Variants in RYR2 observed in about 807,000 individuals in gnomAD.
RYR2 encodes cardiac muscle ryanodine receptor-calcium release channel.
A neutral mutation model predicts 601.1 loss-of-function variants in RYR2; 227 were observed. The observed-to-expected ratio is 0.38, with a 90% CI of 0.34 to 0.42. The LOEUF (loss-of-function observed/expected upper bound fraction) is 0.42. Ranked by LOEUF, RYR2 falls within the 10% of genes least tolerant of loss-of-function variation. The probability of loss-of-function intolerance (pLI) is 1.00; values close to 1 mark genes in which losing one functional copy is unlikely to be tolerated. For synonymous variants in RYR2, 2,223 were observed against 2,175.1 expected, an observed-to-expected ratio of 1.02 and a Z score of -0.61; for missense variants, 4,646 against 6,156.5, an observed-to-expected ratio of 0.75 and a Z score of 8.21.
rs142145400 is a variant in RYR2 at position 237,048,563 on chromosome 1, T to C, written c.48+5994T>C. Among the ~76,000 whole-genome samples, 17 of 152,274 alleles carry C rather than the reference T, an allele frequency of 1.1e-4. No individual in the cohort carries two copies. In the East Asian group the frequency reaches 2.7e-3, roughly 24 times the overall value. ...TCTAATTTCTCTACTTGGCCTTTTA[T>C]GATCTGCCCCTTGATACCTTGCTTA... On this transcript the variant is annotated intron_variant, in intron 1 of 104. Transcript: ENST00000366574.
intron 39 of RYR2, among the ~76,000 whole-genome samples, chr1:237,624,209 G>A (rs534858641): frequency 6.7e-4 from 102 of 152,278 alleles, no homozygotes; most frequent in Non-Finnish European, 1.3e-3. Context: ...TAGTCAATGG[G>A]TACAAAGTTT....
chr1:237,601,980 C>A, intron 34 of RYR2, 45 bp from the exon 35 acceptor site: 2 of 1,533,748 alleles, frequency 1.3e-6, no homozygotes, highest in Non-Finnish European at 1.8e-6. Flanking sequence ...TTTCCCTTGT[C>A]TTGTTTCATT....
Position 237,643,451 on chromosome 1 carries a change from A to T in RYR2, c.7342+4A>T, listed in dbSNP as rs771358777. 2.5e-6 allele frequency: 4 copies of T among 1,613,726 alleles called. No individual in the cohort carries two copies. The African/African-American group carries it at 5.3e-5, about 22-fold the overall frequency. On this transcript the variant is annotated splice_donor_region_variant and intron_variant, in intron 48 of 104. Coordinates refer to ENST00000366574, the MANE Select transcript of RYR2 (RefSeq NM_001035.3). The stretch of plus-strand genomic sequence containing the variant: ...CAGATGCCAACAATAGCCAAAGGTA[A>T]GGCCAACTTCAATTTGTCCTAATTC...
intron 90 of RYR2, 95 bp from the exon 91 acceptor site, chr1:237,785,874 T>C: frequency 1.2e-6 from 1 of 863,682 alleles, no homozygotes. Flanking sequence ...GTATCTTATA[T>C]AGGTTATGGT....
chr1:237,275,415 A>C (rs1330712431), intron 2 of RYR2, among the ~76,000 whole-genome samples: 2 of 152,152 alleles, frequency 1.3e-5, no homozygotes, highest in African/African-American at 2.4e-5. Flanking sequence ...AAATGCAAAC[A>C]AAAAGAAAGC....
intron 1 of RYR2, among the ~76,000 whole-genome samples, chr1:237,255,018 A>G (rs762014793): frequency 6.6e-6 from 1 of 152,178 alleles, no homozygotes; most frequent in Admixed American, 6.5e-5. Context: ...TACTTTAGGT[A>G]TGAGAGGCTC....
At chr1:237,368,050 G>A (rs891432094) in intron 5 of RYR2, among the ~76,000 whole-genome samples, 9 of 152,182 alleles carry the variant, frequency 5.9e-5, no homozygotes, top group Admixed American at 4.6e-4. Flanking sequence ...GGAGGATGGG[G>A]AGAGTGAGTA....
At chr1:237,692,985 GATGAATGA>G (rs377020033) in intron 63 of RYR2, among the ~76,000 whole-genome samples, 2 of 152,124 alleles carry the variant, frequency 1.3e-5, no homozygotes, top group African/African-American at 2.4e-5. Context: ...ATGAATATAT[GATGAATGA>G]ATGAATGAAT....
chr1:237,184,085 T>A (rs1245746906), intron 1 of RYR2, among the ~76,000 whole-genome samples: 1 of 150,916 alleles, frequency 6.6e-6, no homozygotes, highest in Non-Finnish European at 1.5e-5. Flanking sequence ...CTTCTGGGAG[T>A]ACCTGTCCTA....
intron 10 of RYR2, among the ~76,000 whole-genome samples, chr1:237,409,621 G>T (rs1032585004): frequency 6.6e-6 from 1 of 152,022 alleles, no homozygotes; most frequent in Non-Finnish European, 1.5e-5. Flanking sequence ...TTTAGATTAT[G>T]AAATAACTAC....
At chr1:237,120,267 C>G (rs1670628327) in intron 1 of RYR2, among the ~76,000 whole-genome samples, 1 of 152,142 alleles carries the variant, frequency 6.6e-6, no homozygotes, top group Non-Finnish European at 1.5e-5. Context: ...GTGAGCAACT[C>G]TTCCTACATT....
chr1:237,805,363 G>A (rs994160979), intron 98 of RYR2, among the ~76,000 whole-genome samples: 3 of 151,982 alleles, frequency 2.0e-5, no homozygotes, highest in Admixed American at 6.5e-5. Context: ...GGTGGATCAC[G>A]AGGTTAGGAG....
Position 237,788,250 on chromosome 1 carries a change from C to G in RYR2, c.13476+115C>G, listed in dbSNP as rs925267673. ...GTGGCAGTTAGGGAACCAGGTTAGT[C>G]CAGCACATGTTTGATTTGCTCATTG... is the stretch of plus-strand genomic sequence containing the variant. On this transcript the variant is annotated intron_variant, in intron 92 of 104. Transcript: ENST00000366574. The G allele has an allele frequency of 3.1e-5, 23 of 740,992 alleles. No individual in the cohort carries two copies. In the Admixed American group the frequency reaches 3.2e-4, roughly 10 times the overall value. 45.9% of individuals were successfully genotyped at this position (740,992 alleles called of 1,614,324 possible). A position where few individuals can be genotyped will look rare whatever the true frequency, so the allele number is the denominator to read the frequency against.
intron 71 of RYR2, among the ~76,000 whole-genome samples, chr1:237,713,632 C>T (rs918465584): frequency 2.0e-5 from 3 of 152,132 alleles, no homozygotes; most frequent in Admixed American, 2.0e-4. Context: ...CTCCTGACCT[C>T]GTGATCTGAC....
At chr1:237,823,613 T>A (rs7520533) in intron 101 of RYR2, among the ~76,000 whole-genome samples, 39,873 of 151,762 alleles carry the variant, frequency 0.26, 5,688 homozygotes, top group East Asian at 0.61. Flanking sequence ...CATCACAATT[T>A]AAAAAACTAA....
At chr1:237,279,390 ATAAT>A (rs1248234203) in intron 2 of RYR2, among the ~76,000 whole-genome samples, 1 of 152,238 alleles carries the variant, frequency 6.6e-6, no homozygotes, top group African/African-American at 2.4e-5. Context: ...TACTTAAAAA[ATAAT>A]TAATATCTAA....
intron 10 of RYR2, among the ~76,000 whole-genome samples, chr1:237,412,993 C>T (rs566793846): frequency 1.1e-3 from 169 of 152,096 alleles, no homozygotes; most frequent in African/African-American, 3.9e-3. Flanking sequence ...AGGTGTATTC[C>T]TCTAGGTGGG....
At chr1:237,636,857 A>T (rs983753601) in intron 44 of RYR2, among the ~76,000 whole-genome samples, 1 of 136,180 alleles carries the variant, frequency 7.3e-6, no homozygotes, top group Non-Finnish European at 1.7e-5. Context: ...TCCCACAATA[A>T]AAAAGAATGA....
rs183388331 is a variant in RYR2, at chr1:237,071,454, C to T, written c.48+28885C>T. Reference sequence around the variant, plus strand: ...GGCCAGGCTGGTCTCGAACTCCTGACCTCAGGTGATCCACCTGCCTCAGCC... The same window carrying T: ...GGCCAGGCTGGTCTCGAACTCCTGATCTCAGGTGATCCACCTGCCTCAGCC... On this transcript the variant is annotated intron_variant, in intron 1 of 104. Transcript: ENST00000366574. Among the ~76,000 whole-genome samples, 32 of 152,188 alleles carry T rather than the reference C, an allele frequency of 2.1e-4. No individual in the cohort carries two copies. In the South Asian group the frequency reaches 2.3e-3, roughly 11 times the overall value.
Sources: gnomAD v4.1 joint callset for allele counts (sites outside exome capture counted in the v4.1 genomes callset) on GRCh38, gnomAD v4.1.1 for gene constraint, MANE v1.5 for transcripts, NCBI Gene and HGNC (gene_info 2026-07-23, HGNC 2026-07-21) for gene names.